CADPS2: variants seen among roughly 807,000 people sequenced by gnomAD.
CADPS2 encodes calcium dependent secretion activator 2.
CADPS2 carries 93 observed loss-of-function variants against 172.5 expected under a neutral mutation model. The observed-to-expected ratio is 0.54, with a 90% CI of 0.46 to 0.64. CADPS2 has a LOEUF of 0.64. Among genes scored for constraint, CADPS2 ranks in the 30% least tolerant of loss-of-function variants. The pLI, the probability that CADPS2 is intolerant of heterozygous loss-of-function variation, is 0.00. For synonymous variants in CADPS2, 546 were observed against 555.2 expected, an observed-to-expected ratio of 0.98 and a Z score of 0.23; for missense variants, 1,420 against 1,565.9, an observed-to-expected ratio of 0.91 and a Z score of 1.57.
chr7:122,817,087 A>G lies in CADPS2; in HGVS notation c.339+68912T>C, dbSNP rs13311167. On this transcript the variant is annotated intron_variant, in intron 1 of 29. Transcript: ENST00000449022. The stretch of plus-strand genomic sequence containing the variant: ...ATCTCCCTTCGCTAACTCTCTTTTC[A>G]GACTCAGCCCGCCTGCACCCAGGTG... 3.3e-3 allele frequency among the ~76,000 whole-genome samples: 492 copies of G among 148,218 alleles called. 8 individuals carry two copies. Among genetic ancestry groups the G allele is most frequent in the African/African-American group, 0.012 (469 of 37,896 alleles).
intron 20 of CADPS2, 117 bp from the exon 21 acceptor site, chr7:122,393,699 G>T: frequency 9.9e-7 from 1 of 1,011,236 alleles, no homozygotes; most frequent in Non-Finnish European, 1.5e-6. Flanking sequence ...CTGATAAAAT[G>T]CAGATGAGAG....
chr7:122,796,206 G>C (rs544651550), intron 1 of CADPS2, among the ~76,000 whole-genome samples: 1 of 152,252 alleles, frequency 6.6e-6, no homozygotes, highest in Admixed American at 6.5e-5. Context: ...AAAGCTATCA[G>C]AGATGACACA....
chr7:122,740,314 T>G (rs2092394933), intron 1 of CADPS2, among the ~76,000 whole-genome samples: 1 of 152,280 alleles, frequency 6.6e-6, no homozygotes, highest in South Asian at 2.1e-4. Flanking sequence ...ATTGCAAAAT[T>G]CAGTAGATGA....
chr7:122,807,290 G>A (rs1191416362), intron 1 of CADPS2, among the ~76,000 whole-genome samples: 1 of 152,188 alleles, frequency 6.6e-6, no homozygotes, highest in Non-Finnish European at 1.5e-5. Flanking sequence ...CACTTAGCCA[G>A]TGATCATATC....
intron 7 of CADPS2, among the ~76,000 whole-genome samples, chr7:122,570,070 G>A (rs1298311174): frequency 1.3e-5 from 2 of 150,188 alleles, no homozygotes; most frequent in Admixed American, 1.3e-4. Context: ...CACAACAAAA[G>A]AAACTACCAT....
chr7:122,646,380 T>G (rs1376458629), intron 3 of CADPS2, among the ~76,000 whole-genome samples: 3 of 152,104 alleles, frequency 2.0e-5, no homozygotes, highest in African/African-American at 7.2e-5. Context: ...TATGACAGGC[T>G]TTTGGGTTAT....
intron 28 of CADPS2, among the ~76,000 whole-genome samples, chr7:122,335,501 T>C (rs2035720221): frequency 6.6e-6 from 1 of 152,176 alleles, no homozygotes; most frequent in Non-Finnish European, 1.5e-5. Context: ...TGACCTCAGA[T>C]TAATGCCTAT....
At chr7:122,451,220 A>G (rs1432897059) in intron 15 of CADPS2, among the ~76,000 whole-genome samples, 154 bp downstream of exon 15, 1 of 152,192 alleles carries the variant, frequency 6.6e-6, no homozygotes, top group Non-Finnish European at 1.5e-5. Context: ...GAAGCAGACC[A>G]CAGACTGAAG....
At chr7:122,870,709 T>C (rs1157681234) in intron 1 of CADPS2, among the ~76,000 whole-genome samples, 2 of 152,032 alleles carry the variant, frequency 1.3e-5, no homozygotes, top group African/African-American at 2.4e-5. Flanking sequence ...AATGTATACA[T>C]AGATTAAAGC....
rs776447412 is a variant in CADPS2 at position 122,698,150 on chromosome 7, C to T, written c.454-34581G>A. On this transcript the variant is annotated intron_variant, in intron 2 of 29. Coordinates refer to ENST00000449022, the MANE Select transcript of CADPS2 (RefSeq NM_017954.11). ...GGCTTATAGCGTTCAAAGCAAATTA[C>T]GCAGCTATCCCCATTTGGATTTATT... The T allele has an allele frequency of 5.0e-6, 8 of 1,613,722 alleles. No homozygotes were observed. The highest frequency in any genetic ancestry group is 4.5e-5 in the East Asian group (2 of 44,888).
intron 27 of CADPS2, among the ~76,000 whole-genome samples, chr7:122,348,683 G>A (rs1206755510): frequency 6.6e-6 from 1 of 152,072 alleles, no homozygotes; most frequent in Non-Finnish European, 1.5e-5. Flanking sequence ...TTCACACCTA[G>A]TGAATACATT....
chr7:122,834,006 G>A (rs1807455229), intron 1 of CADPS2, among the ~76,000 whole-genome samples: 1 of 152,180 alleles, frequency 6.6e-6, no homozygotes, highest in African/African-American at 2.4e-5. Flanking sequence ...TCTTAAGCAA[G>A]CCTGCAGCCT....
At chr7:122,838,992 C>A (rs771300461) in intron 1 of CADPS2, among the ~76,000 whole-genome samples, 4 of 152,136 alleles carry the variant, frequency 2.6e-5, no homozygotes, top group Non-Finnish European at 5.9e-5. Flanking sequence ...GCCAAAAGAA[C>A]AAAGCTGGAG....
At chr7:122,437,798 C>A in intron 17 of CADPS2, among the ~76,000 whole-genome samples, 1 of 137,926 alleles carries the variant, frequency 7.3e-6, no homozygotes, top group East Asian at 2.2e-4. Flanking sequence ...ATGAATAAAG[C>A]CTGAAGAAAG....
Position 122,869,931 on chromosome 7 carries a change from T to C in CADPS2, c.339+16068A>G, listed in dbSNP as rs550233083. The stretch of plus-strand genomic sequence containing the variant: ...AAAATGTTTTATGGTAGCCTCATGG[T>C]AACCACAAGGCAAAAACCCTTAGTA... On this transcript the variant is annotated intron_variant, in intron 1 of 29. Transcript: ENST00000449022. Among the ~76,000 whole-genome samples the C allele has an allele frequency of 3.0e-4, 45 of 152,166 alleles. No homozygotes were observed. In the South Asian group the frequency reaches 6.0e-3, roughly 20 times the overall value.
intron 27 of CADPS2, among the ~76,000 whole-genome samples, chr7:122,350,127 G>A (rs798678): frequency 0.25 from 38,729 of 152,032 alleles, 5,112 homozygotes; most frequent in South Asian, 0.29. Flanking sequence ...AATATCCTGC[G>A]TTATGATTAT....
intron 25 of CADPS2, among the ~76,000 whole-genome samples, chr7:122,369,186 C>T (rs1204943211): frequency 2.0e-4 from 23 of 117,072 alleles, no homozygotes; most frequent in African/African-American, 2.6e-4. Context: ...GGCTGGAGTG[C>T]AGTGGCGCAA....
chr7:122,490,381 T>G (rs980833931), intron 10 of CADPS2, 100 bp from the exon 11 acceptor site: 1 of 839,110 alleles, frequency 1.2e-6, no homozygotes, highest in African/African-American at 1.7e-5. Context: ...GCTTTGATAT[T>G]AGCAGTTAAA....
chr7:122,489,894 C>T (rs554503124), intron 11 of CADPS2, among the ~76,000 whole-genome samples, 187 bp downstream of exon 11: 90 of 152,194 alleles, frequency 5.9e-4, no homozygotes, highest in African/African-American at 1.9e-3. Context: ...GGAAACCACA[C>T]GTACCATTTA....
Sources: gnomAD v4.1 joint callset for allele counts (sites outside exome capture counted in the v4.1 genomes callset) on GRCh38, gnomAD v4.1.1 for gene constraint, MANE v1.5 for transcripts, NCBI Gene and HGNC (gene_info 2026-07-23, HGNC 2026-07-21) for gene names.